The following ANTXR2 variants were observed in gnomAD, a reference collection of about 807,000 sequenced individuals.
ANTXR2 encodes the protein ANTXR cell adhesion molecule 2, also known as anthrax toxin receptor 2.
In ANTXR2, 44 loss-of-function variants were observed where a neutral mutation model predicts 73.7. That is an observed-to-expected ratio of 0.60 (90% confidence interval 0.47 to 0.77). The LOEUF is 0.77. Ranked by LOEUF, ANTXR2 falls within the 30% of genes least tolerant of loss-of-function variation. The probability of loss-of-function intolerance (pLI) is 0.00; values close to 1 mark genes in which losing one functional copy is unlikely to be tolerated. For synonymous variants in ANTXR2, 217 were observed against 205.9 expected, an observed-to-expected ratio of 1.05 and a Z score of -0.46; for missense variants, 604 against 592.5, an observed-to-expected ratio of 1.02 and a Z score of -0.20.
chr4:79,990,076 A>G (rs1730391399), intron 12 of ANTXR2, among the ~76,000 whole-genome samples: 1 of 152,078 alleles, frequency 6.6e-6, no homozygotes, highest in Non-Finnish European at 1.5e-5. Context: ...AGAATAAGAC[A>G]AGGATGCCCA....
chr4:80,019,123 C>T lies in ANTXR2; in HGVS notation c.867-147G>A, dbSNP rs111619665. 1,698 of 545,280 alleles carry T rather than the reference C, an allele frequency of 3.1e-3. 19 individuals are homozygous for T. The highest frequency in any genetic ancestry group is 0.029 in the African/African-American group (1,447 of 49,830). The allele number at this position is 545,280 out of a possible 1,614,324, so 33.8% of individuals were successfully genotyped here. A position where few individuals can be genotyped will look rare whatever the true frequency, so the allele number is the denominator to read the frequency against. ...CTCCTGACCTCAGATGATCCACCCA[C>T]CTCGGCCTCCCAAAGTCCTAGGATT... On this transcript the variant is annotated intron_variant, in intron 10 of 16. Transcript: ENST00000403729.
chr4:79,927,753 G>T (rs1393304231), intron 16 of ANTXR2, among the ~76,000 whole-genome samples: 1 of 152,044 alleles, frequency 6.6e-6, no homozygotes, highest in Non-Finnish European at 1.5e-5. Flanking sequence ...CATATGACCT[G>T]TTTACAGATA....
intron 12 of ANTXR2, among the ~76,000 whole-genome samples, chr4:79,995,446 G>T (rs1397923405): frequency 1.3e-5 from 2 of 151,914 alleles, no homozygotes; most frequent in Non-Finnish European, 2.9e-5. Flanking sequence ...CTAAGAAAAT[G>T]AAGCACTAAA....
chr4:79,952,163 G>T (rs1728731595), intron 16 of ANTXR2, among the ~76,000 whole-genome samples: 1 of 150,064 alleles, frequency 6.7e-6, no homozygotes, highest in Non-Finnish European at 1.5e-5. Context: ...TATATAATAG[G>T]TATATATAAA....
intron 7 of ANTXR2, among the ~76,000 whole-genome samples, chr4:80,042,023 T>C (rs901714803): frequency 6.6e-6 from 1 of 152,148 alleles, no homozygotes; most frequent in African/African-American, 2.4e-5. Context: ...ATTCTATGAA[T>C]TAGTAACTTA....
chr4:79,927,294 C>CCACACACA (rs112013307), intron 16 of ANTXR2, among the ~76,000 whole-genome samples: 49,705 of 150,082 alleles, frequency 0.33, 9,909 homozygotes, highest in Non-Finnish European at 0.44. Flanking sequence ...GGAGCTCTTA[C>CCACACACA]CACACACACA....
chr4:79,996,175 C>A (rs1488981413), intron 12 of ANTXR2, among the ~76,000 whole-genome samples: 2 of 151,968 alleles, frequency 1.3e-5, no homozygotes, highest in African/African-American at 4.8e-5. Flanking sequence ...ATCTCCAACT[C>A]TGAATTCAAC....
chr4:79,973,753 T>C (rs1017591506), intron 16 of ANTXR2, among the ~76,000 whole-genome samples: 4 of 152,254 alleles, frequency 2.6e-5, no homozygotes, highest in Non-Finnish European at 4.4e-5. Flanking sequence ...TTAATAATCT[T>C]TGTGAAACAA....
intron 12 of ANTXR2, among the ~76,000 whole-genome samples, chr4:80,003,199 G>A (rs898339227): frequency 1.3e-5 from 2 of 151,972 alleles, no homozygotes; most frequent in Admixed American, 6.6e-5. Context: ...AAGAAAATGT[G>A]GCACATATAC....
intron 12 of ANTXR2, among the ~76,000 whole-genome samples, chr4:80,000,107 G>C (rs1032973661): frequency 2.6e-5 from 4 of 151,980 alleles, no homozygotes; most frequent in Admixed American, 1.3e-4. Context: ...TCTTAGGTGA[G>C]GCATCCCTGT....
chr4:79,962,892 GA>G (rs1051726163), intron 16 of ANTXR2, among the ~76,000 whole-genome samples: 1 of 152,082 alleles, frequency 6.6e-6, no homozygotes, highest in Non-Finnish European at 1.5e-5. Flanking sequence ...ATATTTTAAT[GA>G]TTTTTTTTAA....
chr4:80,060,750 T>C (rs780366212), intron 3 of ANTXR2, among the ~76,000 whole-genome samples: 2 of 152,144 alleles, frequency 1.3e-5, no homozygotes, highest in Admixed American at 1.3e-4. Context: ...AAAAATAGTA[T>C]ATATAGGGTT....
chr4:79,973,124 GGTGGGGAGGAAGGGAAGTAAGA>G (rs1215173555), intron 16 of ANTXR2, among the ~76,000 whole-genome samples: 1 of 151,678 alleles, frequency 6.6e-6, no homozygotes, highest in East Asian at 1.9e-4. Context: ...GAAAGAGGAA[GGTGGGGAGGAAGGGAAGTAAGA>G]TAGCACTCTA....
intron 12 of ANTXR2, among the ~76,000 whole-genome samples, chr4:79,994,907 G>A (rs1730651668): frequency 6.6e-6 from 1 of 151,882 alleles, no homozygotes; most frequent in South Asian, 2.1e-4. Context: ...TCAGCATGGT[G>A]TCAGTCCCTC....
At chr4:80,049,979 A>T (rs918567095) in intron 7 of ANTXR2, among the ~76,000 whole-genome samples, 5 of 151,740 alleles carry the variant, frequency 3.3e-5, no homozygotes, top group Non-Finnish European at 5.9e-5. Context: ...GCTTGCCAGA[A>T]TAAAGAGGTT....
chr4:79,985,585 T>A (rs1730108699), intron 12 of ANTXR2, among the ~76,000 whole-genome samples: 1 of 151,974 alleles, frequency 6.6e-6, no homozygotes, highest in African/African-American at 2.4e-5. Flanking sequence ...CCCCAGCTAT[T>A]TCAGCCATTC....
chr4:80,068,338 A>T (rs533027111), intron 3 of ANTXR2, among the ~76,000 whole-genome samples: 1 of 152,230 alleles, frequency 6.6e-6, no homozygotes, highest in Non-Finnish European at 1.5e-5. Flanking sequence ...TTTTATTTCA[A>T]AATAACAGGA....
intron 11 of ANTXR2, among the ~76,000 whole-genome samples, chr4:80,013,677 C>T (rs967637732): frequency 2.0e-5 from 3 of 152,172 alleles, no homozygotes; most frequent in African/African-American, 7.2e-5. Flanking sequence ...AGGTATTCAT[C>T]ATAGTATTAC....
intron 3 of ANTXR2, among the ~76,000 whole-genome samples, chr4:80,060,788 A>G (rs984157841): frequency 6.6e-6 from 1 of 152,286 alleles, no homozygotes; most frequent in East Asian, 1.9e-4. Flanking sequence ...TCAGTCATCA[A>G]CTGGGGTTCT....
Sources: gnomAD v4.1 joint callset for allele counts (sites outside exome capture counted in the v4.1 genomes callset) on GRCh38, gnomAD v4.1.1 for gene constraint, MANE v1.5 for transcripts, NCBI Gene and HGNC (gene_info 2026-07-23, HGNC 2026-07-21) for gene names.